Variants in PRDM16 observed in about 807,000 individuals in gnomAD.
PRDM16 encodes PR/SET domain 16.
Under a neutral mutation model 110.6 loss-of-function variants are expected in PRDM16, and 23 were observed. The ratio of observed to expected loss-of-function variants is 0.21; its 90% confidence interval spans 0.15 to 0.29. The LOEUF is 0.29. Ranked by LOEUF, PRDM16 falls within the 10% of genes least tolerant of loss-of-function variation. The pLI, the probability that PRDM16 is intolerant of heterozygous loss-of-function variation, is 1.00. For missense variants in PRDM16, 1,615 were observed against 1,794.3 expected (o/e 0.90, Z 1.81); for synonymous variants, 799 against 781.8 (o/e 1.02, Z -0.37).
At chr1:3,202,479 C>A (rs1362144046) in intron 2 of PRDM16, among the ~76,000 whole-genome samples, 1 of 152,122 alleles carries the variant, frequency 6.6e-6, no homozygotes, top group Non-Finnish European at 1.5e-5. Context: ...TGGTCACAGG[C>A]GACTTCAGAA....
chr1:3,371,399 C>T (rs551486768), intron 3 of PRDM16, among the ~76,000 whole-genome samples: 1 of 151,630 alleles, frequency 6.6e-6, no homozygotes, highest in Admixed American at 6.6e-5. Flanking sequence ...CCCACCCATG[C>T]ATCCATCCAC....
In PRDM16 at chr1:3,199,132, C is replaced by G. The variant is rs569868494; in HGVS notation, c.387+12658C>G. 7.2e-5 allele frequency among the ~76,000 whole-genome samples: 11 copies of G among 152,224 alleles called. No homozygotes were observed. The South Asian group carries it at 1.7e-3, about 23-fold the overall frequency. ...CTGGAGAGAGTGCTGTGCGGGGTGG[C>G]GGCAGAGGGGGATTAGGATGCTTGC... On this transcript the variant is annotated intron_variant, in intron 2 of 16. Transcript: ENST00000270722.
In PRDM16 at chr1:3,181,084, A is replaced by G. The variant is rs549408196; in HGVS notation, c.38-5041A>G. On this transcript the variant is annotated intron_variant, in intron 1 of 16. Coordinates refer to ENST00000270722, the MANE Select transcript of PRDM16 (RefSeq NM_022114.4). The stretch of plus-strand genomic sequence containing the variant: ...CGGTCTTACACACCCGGTCTTACAC[A>G]CGGCCTTACACACGCAGTCTTACAC... 8.8e-3 allele frequency among the ~76,000 whole-genome samples: 1,084 copies of G among 123,412 alleles called. 28 individuals carry two copies. Among genetic ancestry groups the G allele is most frequent in the Non-Finnish European group, 0.012 (665 of 57,706 alleles). 81.0% of individuals were successfully genotyped at this position (123,412 alleles called of 152,430 possible).
At chr1:3,397,811 C>G (rs1643408283) in intron 5 of PRDM16, among the ~76,000 whole-genome samples, 1 of 152,218 alleles carries the variant, frequency 6.6e-6, no homozygotes, top group African/African-American at 2.4e-5. Context: ...AGGAATGGTG[C>G]TGGAATGAGC....
intron 1 of PRDM16, among the ~76,000 whole-genome samples, chr1:3,145,495 G>A (rs1234728287): frequency 1.3e-5 from 2 of 152,278 alleles, no homozygotes; most frequent in Non-Finnish European, 2.9e-5. Context: ...AGAGTCCCCA[G>A]GGGAAGTTCC....
intron 3 of PRDM16, among the ~76,000 whole-genome samples, chr1:3,351,985 G>T (rs1168032687): frequency 6.6e-6 from 1 of 151,848 alleles, no homozygotes; most frequent in East Asian, 2.0e-4. Flanking sequence ...AGACCCTAAG[G>T]ACCTCCCCAA....
rs548246861 is a variant in PRDM16, at chr1:3,412,456, C to G, written c.2259C>G (p.Ala753=). 28 of 1,613,056 alleles carry G rather than the reference C, an allele frequency of 1.7e-5. No individual in the cohort carries two copies. The highest frequency in any genetic ancestry group is 2.1e-5 in the Non-Finnish European group (25 of 1,179,920). Reference sequence around the variant, plus strand: ...TCGCCCACAACTTGCTGGTCAAGGCCGAGCCAAAGTCACCCCGGGACGCCC... The same window carrying G: ...TCGCCCACAACTTGCTGGTCAAGGCGGAGCCAAAGTCACCCCGGGACGCCC... The part of the protein sequence containing the change: ...RALAHNLLVK[A]EPKSPRDALK... Residue 753 remains alanine, a synonymous_variant, in exon 9 of 17, where the codon GCC becomes GCG. Coordinates refer to ENST00000270722, the MANE Select transcript of PRDM16 (RefSeq NM_022114.4).
Position 3,396,574 on chromosome 1 carries a change from A to T in PRDM16, c.657A>T (p.Thr219=). The T allele has an allele frequency of 6.3e-7, 1 of 1,594,134 alleles. No individual in the cohort carries two copies. The highest frequency in any genetic ancestry group is 8.6e-7 in the Non-Finnish European group (1 of 1,168,860). Residue 219 remains threonine (T), a synonymous_variant, in exon 5 of 17, where the codon ACA becomes ACT. Transcript: ENST00000270722. ...HVKEGVYPLG[T]VPPGLDEEPT... is the part of the protein sequence containing the mutation. ...AGGAAGGCGTCTACCCCCTGGGCAC[A>T]GTGCCGCCCGGCCTGGACGGTAAGA...
At chr1:3,153,561 G>A (rs989016445) in intron 1 of PRDM16, among the ~76,000 whole-genome samples, 1 of 152,190 alleles carries the variant, frequency 6.6e-6, no homozygotes. Context: ...GACAATTGCC[G>A]GGTGTCTTTT....
At chr1:3,088,086 G>C (rs1386542805) in intron 1 of PRDM16, among the ~76,000 whole-genome samples, 1 of 152,048 alleles carries the variant, frequency 6.6e-6, no homozygotes, top group Non-Finnish European at 1.5e-5. Context: ...ACTTCCAACA[G>C]GATTGTCTAT....
intron 8 of PRDM16, among the ~76,000 whole-genome samples, chr1:3,409,095 C>T (rs35396425): frequency 0.28 from 38,937 of 139,516 alleles, 5,690 homozygotes; most frequent in African/African-American, 0.44. Flanking sequence ...GGGCGCGTGT[C>T]TGTGAGTGCG....
At chr1:3,335,417 C>T (rs992429755) in intron 3 of PRDM16, among the ~76,000 whole-genome samples, 1 of 152,166 alleles carries the variant, frequency 6.6e-6, no homozygotes, top group African/African-American at 2.4e-5. Context: ...TCAGGGCGTC[C>T]GTAGAGAACA....
intron 8 of PRDM16, among the ~76,000 whole-genome samples, chr1:3,406,302 C>T (rs1643560734): frequency 6.6e-6 from 1 of 152,118 alleles, no homozygotes; most frequent in Non-Finnish European, 1.5e-5. Context: ...GGAGCTGAGA[C>T]TGCCTGTTCG....
chr1:3,122,861 A>C (rs1165792262), intron 1 of PRDM16, among the ~76,000 whole-genome samples: 1 of 152,202 alleles, frequency 6.6e-6, no homozygotes, highest in Admixed American at 6.5e-5. Flanking sequence ...GCGGCTGGGA[A>C]TGAGAACCAG....
intron 1 of PRDM16, among the ~76,000 whole-genome samples, chr1:3,101,423 G>C (rs543417564): frequency 6.6e-6 from 1 of 152,344 alleles, no homozygotes; most frequent in African/African-American, 2.4e-5. Context: ...TTTTCTAAAG[G>C]GGCTTATCTG....
At chr1:3,403,477 T>C (rs978355062) in intron 6 of PRDM16, among the ~76,000 whole-genome samples, 82 of 152,256 alleles carry the variant, frequency 5.4e-4, no homozygotes, top group African/African-American at 1.8e-3. Flanking sequence ...GAGCAGCTCC[T>C]TCTCAGATGG....
chr1:3,366,963 C>T (rs529825648), intron 3 of PRDM16, among the ~76,000 whole-genome samples: 47 of 152,208 alleles, frequency 3.1e-4, no homozygotes, highest in African/African-American at 1.1e-3. Context: ...AGGATGCTGA[C>T]GACCGGTTAA....
chr1:3,200,374 G>T lies in PRDM16; in HGVS notation c.387+13900G>T, dbSNP rs185007148. On this transcript the variant is annotated intron_variant, in intron 2 of 16. Transcript: ENST00000270722. ...TTTTTATTTTTTGAGATGGAGTCTT[G>T]CTCTGCTGCCCAGGCTGGAGTGCAA... is the stretch of plus-strand genomic sequence containing the variant. 2.3e-3 allele frequency among the ~76,000 whole-genome samples: 345 copies of T among 152,166 alleles called. 1 individual carries two copies. Among genetic ancestry groups the T allele is most frequent in the African/African-American group, 8.1e-3 (337 of 41,516 alleles).
chr1:3,083,771 C>T (rs780965976), intron 1 of PRDM16, among the ~76,000 whole-genome samples: 17 of 152,174 alleles, frequency 1.1e-4, no homozygotes, highest in Non-Finnish European at 2.4e-4. Context: ...CACCATTATC[C>T]ACCTGACCTT....
Sources: allele counts gnomAD v4.1 joint callset (sites outside exome capture counted in the v4.1 genomes callset), GRCh38; gene constraint gnomAD v4.1.1; transcripts MANE v1.5; gene names NCBI Gene and HGNC (gene_info 2026-07-23, HGNC 2026-07-21).